The following TAF1 variants were observed in gnomAD, a reference collection of about 807,000 sequenced individuals.
The protein encoded by TAF1 is TATA-box binding protein associated factor 1.
A neutral mutation model predicts 138.5 loss-of-function variants in TAF1; 2 were observed. The observed-to-expected ratio is 0.01, with a 90% CI of 0.01 to 0.05. The LOEUF (loss-of-function observed/expected upper bound fraction) is 0.05, where lower values mean the gene tolerates loss of function less well. TAF1 is among the 10% of genes least tolerant of loss of function. The pLI is 1.00. For missense variants in TAF1, 709 were observed against 1,478.0 expected (o/e 0.48, Z 8.53); for synonymous variants, 437 against 503.2 (o/e 0.87, Z 1.76).
intron 13 of TAF1, among the ~76,000 whole-genome samples, chrX:71,500,331 C>T (rs1407990682): frequency 9.0e-6 from 1 of 111,367 alleles, no homozygotes; most frequent in African/African-American, 3.3e-5. Flanking sequence ...CCTCAGGTGG[C>T]CATTTTTCCC....
chrX:71,437,005 A>G (rs966999230), intron 32 of TAF1, among the ~76,000 whole-genome samples: 1 of 111,715 alleles, frequency 9.0e-6, no homozygotes, highest in African/African-American at 3.2e-5. Context: ...GTCCCCCAAT[A>G]ATGGCTTCTA....
At chrX:71,372,268 C>A (rs1467960023) in intron 3 of TAF1, among the ~76,000 whole-genome samples, 1 of 108,675 alleles carries the variant, frequency 9.2e-6, no homozygotes, top group African/African-American at 3.4e-5. Flanking sequence ...GCTGTCTGTA[C>A]TAAAAATGCA....
intron 13 of TAF1, among the ~76,000 whole-genome samples, chrX:71,479,140 T>C (rs1320858928): frequency 8.9e-6 from 1 of 112,598 alleles, no homozygotes; most frequent in Non-Finnish European, 1.9e-5. Flanking sequence ...TATACATTGG[T>C]AAAAATACCT....
At chrX:71,374,562 T>G (rs2033335248) in intron 3 of TAF1, among the ~76,000 whole-genome samples, 1 of 111,421 alleles carries the variant, frequency 9.0e-6, no homozygotes, top group Non-Finnish European at 1.9e-5. Flanking sequence ...TCTCCCGACC[T>G]CAGCCTCCTG....
At chrX:71,420,319 T>C in intron 28 of TAF1, 3 of 1,169,245 alleles carry the variant, frequency 2.6e-6, no homozygotes, top group Non-Finnish European at 3.5e-6. Flanking sequence ...GCCAGGGAAG[T>C]CCTCACTGAC....
intron 14 of TAF1, among the ~76,000 whole-genome samples, chrX:71,385,959 C>T (rs1326316199): frequency 9.0e-6 from 1 of 110,696 alleles, no homozygotes; most frequent in Non-Finnish European, 1.9e-5. Context: ...GTCAGGAGTT[C>T]GAGACCAGTC....
At chrX:71,470,418 A>G (rs1011667843), downstream of TAF1, among the ~76,000 whole-genome samples, 1 of 109,575 alleles carries the variant, frequency 9.1e-6, no homozygotes, top group African/African-American at 3.3e-5. Context: ...ATACACATGT[A>G]TTATGCGCAT....
intron 28 of TAF1, chrX:71,420,251 G>C: frequency 1.1e-6 from 1 of 911,415 alleles, no homozygotes; most frequent in Non-Finnish European, 1.6e-6. Context: ...TTCCTGGTCT[G>C]TTGGTTCATT....
intron 13 of TAF1, among the ~76,000 whole-genome samples, chrX:71,473,460 C>T (rs1049671378): frequency 9.1e-5 from 10 of 109,896 alleles, no homozygotes; most frequent in African/African-American, 3.0e-4. Context: ...CACTTAAGGC[C>T]GTGAGTTTGA....
Position 71,461,990 on chromosome X carries a change from G to C in TAF1, c.5399+1187G>C, listed in dbSNP as rs186263498. 2.1e-3 allele frequency among the ~76,000 whole-genome samples: 239 copies of C among 111,643 alleles called. 2 individuals are homozygous for C. The highest frequency in any genetic ancestry group is 7.5e-3 in the African/African-American group (230 of 30,795). Reference sequence around the variant, plus strand: ...TAGGAAGAGCCTATATGAAGACACAGGCATGAAACACTTCACAGGCATGAA... The same window carrying C: ...TAGGAAGAGCCTATATGAAGACACACGCATGAAACACTTCACAGGCATGAA... On this transcript the variant is annotated intron_variant, in intron 37 of 37. Transcript: ENST00000423759.
At chrX:71,505,481 G>A (rs919071393) in intron 13 of TAF1, among the ~76,000 whole-genome samples, 3 of 111,735 alleles carry the variant, frequency 2.7e-5, no homozygotes, top group Non-Finnish European at 5.6e-5. Flanking sequence ...TGATGAAAAC[G>A]GTACCTTACC....
At chrX:71,500,063 T>C (rs949050925) in intron 13 of TAF1, among the ~76,000 whole-genome samples, 1 of 110,389 alleles carries the variant, frequency 9.1e-6, no homozygotes, top group Non-Finnish European at 1.9e-5. Flanking sequence ...TGTGGTCCCT[T>C]GGAGATCTCT....
At chrX:71,387,078 A>G in intron 14 of TAF1, 183 bp from the exon 15 acceptor site, 2 of 462,810 alleles carry the variant, frequency 4.3e-6, no homozygotes, top group Non-Finnish European at 7.2e-6. Context: ...TCTGAAAGAT[A>G]GTGGATGAAA....
chrX:71,403,881 C>T (rs1288614164), intron 25 of TAF1, among the ~76,000 whole-genome samples: 1 of 107,017 alleles, frequency 9.3e-6, no homozygotes, highest in Non-Finnish European at 1.9e-5. Context: ...AAATTTGACT[C>T]CCTCAAGCCA....
At chrX:71,504,759 A>G (rs2039589334) in intron 13 of TAF1, among the ~76,000 whole-genome samples, 1 of 100,739 alleles carries the variant, frequency 9.9e-6, no homozygotes, top group African/African-American at 3.6e-5. Flanking sequence ...AAAAAAAAAA[A>G]AAAAAAAAAA....
chrX:71,485,461 C>T lies in TAF1; in HGVS notation c.1366+24658C>T, dbSNP rs184029805. ...CACTCCCACCAGCAATGTATAAGGGCTCTGATTTCCTCACAATCCCACCAA... is the reference window on the plus strand; with the variant it reads ...CACTCCCACCAGCAATGTATAAGGGTTCTGATTTCCTCACAATCCCACCAA... On this transcript the variant is annotated intron_variant and NMD_transcript_variant, in intron 13 of 14. Transcript: ENST00000373775. Among the ~76,000 whole-genome samples the T allele has an allele frequency of 4.5e-5, 5 of 112,105 alleles. No homozygotes were observed. In the East Asian group the frequency reaches 1.4e-3, roughly 31 times the overall value.
At chrX:71,504,413 G>A (rs756457622) in intron 13 of TAF1, among the ~76,000 whole-genome samples, 1 of 109,973 alleles carries the variant, frequency 9.1e-6, no homozygotes, top group Non-Finnish European at 1.9e-5. Context: ...ACCAATTTCA[G>A]TGAATAATTA....
At chrX:71,498,106 T>C (rs1056533106) in intron 13 of TAF1, among the ~76,000 whole-genome samples, 11 of 111,846 alleles carry the variant, frequency 9.8e-5, no homozygotes, top group African/African-American at 3.2e-4. Flanking sequence ...ATCCACATAC[T>C]GAAGGACCAG....
intron 28 of TAF1, among the ~76,000 whole-genome samples, chrX:71,412,947 A>G (rs1286489334): frequency 1.6e-4 from 18 of 110,922 alleles, no homozygotes. Flanking sequence ...ACTTGTTTTT[A>G]TTTCTCTTGG....
Sources: allele counts gnomAD v4.1 joint callset (sites outside exome capture counted in the v4.1 genomes callset), GRCh38; gene constraint gnomAD v4.1.1; transcripts MANE v1.5; gene names NCBI Gene and HGNC (gene_info 2026-07-23, HGNC 2026-07-21).